ROBO2: variants seen among roughly 807,000 people sequenced by gnomAD.
ROBO2 encodes the protein roundabout guidance receptor 2, also known as roundabout homolog 2.
Under a neutral mutation model 160.8 loss-of-function variants are expected in ROBO2, and 53 were observed. The ratio of observed to expected loss-of-function variants is 0.33; its 90% CI spans 0.26 to 0.41. ROBO2 has a LOEUF of 0.41. Among genes scored for constraint, ROBO2 ranks in the 10% least tolerant of loss-of-function variants. ROBO2 has a pLI of 1.00. For synonymous variants in ROBO2, 664 were observed against 611.7 expected (o/e 1.09, Z -1.26); for missense variants, 1,577 against 1,722.4 (o/e 0.92, Z 1.49).
intron 2 of ROBO2, among the ~76,000 whole-genome samples, chr3:76,651,998 C>G (rs1199476242): frequency 1.3e-5 from 2 of 152,098 alleles, no homozygotes; most frequent in Admixed American, 6.6e-5. Flanking sequence ...TGGAGGATGT[C>G]GCTCCCTGCA....
At chr3:76,091,841 T>C (rs942362313) in intron 2 of ROBO2, among the ~76,000 whole-genome samples, 6 of 152,184 alleles carry the variant, frequency 3.9e-5, no homozygotes, top group African/African-American at 1.4e-4. Flanking sequence ...GCATACTGTA[T>C]AATTCCAACT....
intron 4 of ROBO2, among the ~76,000 whole-genome samples, chr3:77,486,657 G>T (rs888377974): frequency 2.6e-5 from 4 of 152,110 alleles, no homozygotes; most frequent in Admixed American, 6.5e-5. Flanking sequence ...TGTACATCTG[G>T]ATATTAGACC....
intron 13 of ROBO2, 74 bp downstream of exon 14, chr3:77,568,508 A>G: frequency 6.5e-7 from 1 of 1,545,224 alleles, no homozygotes; most frequent in African/African-American, 1.4e-5. Context: ...ATGCAAATGA[A>G]CAAAGAGTGA....
At chr3:76,217,711 A>C (rs1575933011) in intron 2 of ROBO2, among the ~76,000 whole-genome samples, 1 of 152,232 alleles carries the variant, frequency 6.6e-6, no homozygotes. Context: ...AGATGGATAT[A>C]CAGCGGAATT....
At chr3:77,361,925 A>G (rs2070069799) in intron 2 of ROBO2, among the ~76,000 whole-genome samples, 1 of 152,178 alleles carries the variant, frequency 6.6e-6, no homozygotes. Context: ...TGTTCACCGA[A>G]TGCCTAAAAT....
intron 2 of ROBO2, among the ~76,000 whole-genome samples, chr3:76,841,353 T>A (rs775765225): frequency 3.9e-5 from 6 of 152,170 alleles, no homozygotes; most frequent in Admixed American, 2.0e-4. Context: ...TCCTTAATAT[T>A]TGGTGTTTAT....
intron 2 of ROBO2, among the ~76,000 whole-genome samples, chr3:77,467,160 A>G (rs778398236): frequency 6.6e-6 from 1 of 152,226 alleles, no homozygotes; most frequent in Non-Finnish European, 1.5e-5. Flanking sequence ...CAAATGGACA[A>G]CTATAGCTAT....
At chr3:76,974,090 G>T (rs2059699730) in intron 2 of ROBO2, among the ~76,000 whole-genome samples, 1 of 152,102 alleles carries the variant, frequency 6.6e-6, no homozygotes, top group South Asian at 2.1e-4. Context: ...CTTGCAAACA[G>T]ATTAGTCTTT....
chr3:77,367,721 T>C (rs903227031), intron 2 of ROBO2, among the ~76,000 whole-genome samples: 8 of 152,138 alleles, frequency 5.3e-5, no homozygotes, highest in Non-Finnish European at 1.2e-4. Context: ...GGATGAAATA[T>C]TACCGCTAGC....
intron 2 of ROBO2, among the ~76,000 whole-genome samples, chr3:77,019,203 G>C (rs1372074383): frequency 6.6e-6 from 1 of 152,026 alleles, no homozygotes; most frequent in African/African-American, 2.4e-5. Context: ...ACAGCTCTGG[G>C]GGCAGGAAAG....
At chr3:77,203,645 G>C (rs1296723600) in intron 2 of ROBO2, among the ~76,000 whole-genome samples, 1 of 151,928 alleles carries the variant, frequency 6.6e-6, no homozygotes, top group African/African-American at 2.4e-5. Context: ...TCATTTTTTC[G>C]TCCCTTATAC....
At chr3:77,377,150 T>C (rs1446946075) in intron 2 of ROBO2, among the ~76,000 whole-genome samples, 1 of 152,190 alleles carries the variant, frequency 6.6e-6, no homozygotes, top group East Asian at 1.9e-4. Context: ...TATACTGTTT[T>C]TATATTTGGA....
At chr3:77,426,728 GGAAGGA>G (rs2078251564) in intron 2 of ROBO2, among the ~76,000 whole-genome samples, 1 of 131,326 alleles carries the variant, frequency 7.6e-6, no homozygotes, top group Non-Finnish European at 1.6e-5. Flanking sequence ...AAGGAAGGAA[GGAAGGA>G]AAGTTTTTCT....
At chr3:76,024,567 AT>A (rs1199249868) in intron 2 of ROBO2, among the ~76,000 whole-genome samples, 2 of 151,644 alleles carry the variant, frequency 1.3e-5, no homozygotes, top group African/African-American at 2.4e-5. Context: ...ATAACCACGC[AT>A]TTTCAACTGG....
Position 76,541,228 on chromosome 3 carries a change from A to G in ROBO2, c.110-556786A>G, listed in dbSNP as rs575629010. ...TATAATTATGGAATAACTACTTCTTATTAGGCTTGATAAATAAGACAGCCT... is the reference window on the plus strand; with the variant it reads ...TATAATTATGGAATAACTACTTCTTGTTAGGCTTGATAAATAAGACAGCCT... On this transcript the variant is annotated intron_variant, in intron 2 of 26. Transcript: ENST00000487694. 4.6e-5 allele frequency among the ~76,000 whole-genome samples: 7 copies of G among 152,318 alleles called. No homozygotes were observed. In the South Asian group the frequency reaches 1.5e-3, roughly 32 times the overall value.
In ROBO2 at chr3:76,196,534, G is replaced by A. The variant is rs1702269786; in HGVS notation, c.109+258932G>A. On this transcript the variant is annotated intron_variant, in intron 2 of 26. Coordinates refer to the ROBO2 transcript ENST00000487694. ...AGGGTTAGTCTAAGAAATGAAAAAT[G>A]AGAGAAAATACTCTAAATAATAATT... 2.0e-5 allele frequency among the ~76,000 whole-genome samples: 3 copies of A among 152,192 alleles called. No individual in the cohort carries two copies. The South Asian group carries it at 6.2e-4, about 32-fold the overall frequency.
chr3:77,180,435 T>TATATATATATTTA (rs1491200828), intron 2 of ROBO2, among the ~76,000 whole-genome samples: 1 of 63,932 alleles, frequency 1.6e-5, no homozygotes, highest in Non-Finnish European at 3.2e-5. Context: ...TATATATGTA[T>TATATATATATTTA]TTTTTTTTTT....
At position 76,052,555 on chromosome 3, in the gene ROBO2, C is replaced by T. The variant is rs111419010; in HGVS notation, c.109+114953C>T. ...AGTATTTTTAAAACTTAGGGTATCT[C>T]CTTATTTTCTGATTAAAGTAAAATT... On this transcript the variant is annotated intron_variant, in intron 2 of 26. Coordinates refer to the ROBO2 transcript ENST00000487694. 8.6e-3 allele frequency among the ~76,000 whole-genome samples: 1,300 copies of T among 151,846 alleles called. 16 individuals carry two copies. Among genetic ancestry groups the T allele is most frequent in the African/African-American group, 0.03 (1,248 of 41,490 alleles).
chr3:76,054,407 G>C (rs894398760), intron 2 of ROBO2, among the ~76,000 whole-genome samples: 2 of 152,182 alleles, frequency 1.3e-5, no homozygotes, highest in African/African-American at 2.4e-5. Context: ...AGTAGTCATA[G>C]AGTGAGTTTA....
Sources: gnomAD v4.1 joint callset for allele counts (sites outside exome capture counted in the v4.1 genomes callset) on GRCh38, gnomAD v4.1.1 for gene constraint, MANE v1.5 for transcripts, NCBI Gene and HGNC (gene_info 2026-07-23, HGNC 2026-07-21) for gene names.